The following RAPGEF1 variants were observed in gnomAD, a reference collection of about 807,000 sequenced individuals.
The protein encoded by RAPGEF1 is Rap guanine nucleotide exchange factor 1.
Under a neutral mutation model 143.3 loss-of-function variants are expected in RAPGEF1, and 33 were observed. The ratio of observed to expected loss-of-function variants is 0.23; its 90% CI spans 0.17 to 0.31. RAPGEF1 has a LOEUF of 0.31. RAPGEF1 is among the 10% of genes least tolerant of loss of function. The probability of loss-of-function intolerance (pLI) is 1.00; values close to 1 mark genes in which losing one functional copy is unlikely to be tolerated. For synonymous variants in RAPGEF1, 629 were observed against 676.5 expected, an observed-to-expected ratio of 0.93 and a Z score of 1.09; for missense variants, 1,199 against 1,645.4, an observed-to-expected ratio of 0.73 and a Z score of 4.69.
At chr9:131,602,017 G>T (rs764582522) in intron 15 of RAPGEF1, 44 bp downstream of exon 15, 1 of 1,459,100 alleles carries the variant, frequency 6.9e-7, no homozygotes. Context: ...ATGAGTGGGC[G>T]CACTGCTCTC....
intron 1 of RAPGEF1, among the ~76,000 whole-genome samples, chr9:131,733,131 C>T (rs533453569): frequency 2.0e-4 from 30 of 151,934 alleles, no homozygotes; most frequent in Non-Finnish European, 3.5e-4. Context: ...GGAGGAGCCT[C>T]GGCCACAGCT....
At chr9:131,661,109 T>G (rs1428906059) in intron 1 of RAPGEF1, among the ~76,000 whole-genome samples, 9 of 152,214 alleles carry the variant, frequency 5.9e-5, no homozygotes, top group Admixed American at 5.9e-4. Flanking sequence ...CCACCCACTA[T>G]GGCTGAACAC....
chr9:131,587,439 G>T (rs10901074), intron 22 of RAPGEF1, among the ~76,000 whole-genome samples: 1 of 152,178 alleles, frequency 6.6e-6, no homozygotes, highest in African/African-American at 2.4e-5. Context: ...GCAGTGACCA[G>T]GGCAGGAGGG....
In RAPGEF1 at chr9:131,581,253, G is replaced by C. The variant is rs1329478071; in HGVS notation, c.3513-862C>G. 3.3e-5 allele frequency among the ~76,000 whole-genome samples: 5 copies of C among 152,138 alleles called. No homozygotes were observed. In the East Asian group the frequency reaches 9.6e-4, roughly 29 times the overall value. On this transcript the variant is annotated intron_variant, in intron 25 of 26. Coordinates refer to ENST00000683357, the MANE Select transcript of RAPGEF1 (RefSeq NM_001377935.1). ...TACAAAAAATACAAAAATTAGCTGG[G>C]CATGGTGGCGTGTACCTGTAATCCC...
At position 131,698,801 on chromosome 9, in the gene RAPGEF1, C is replaced by T. The variant is rs142281018; in HGVS notation, c.61+40969G>A. On this transcript the variant is annotated intron_variant, in intron 1 of 26. Transcript: ENST00000683357. ...CTGGAGGCCCAGGGATAAGCCCTCC[C>T]AGCAGCTGATTGTAGACACTTGAGG... Among the ~76,000 whole-genome samples the T allele has an allele frequency of 1.9e-3, 284 of 152,350 alleles. 1 individual carries two copies. Among genetic ancestry groups the T allele is most frequent in the African/African-American group, 6.1e-3 (255 of 41,578 alleles).
chr9:131,727,559 G>A (rs1313483096), intron 1 of RAPGEF1, among the ~76,000 whole-genome samples: 1 of 152,112 alleles, frequency 6.6e-6, no homozygotes, highest in Non-Finnish European at 1.5e-5. Context: ...AGATGCCACA[G>A]GTCCAGGCAT....
intron 12 of RAPGEF1, among the ~76,000 whole-genome samples, chr9:131,615,084 C>T (rs1430767898): frequency 2.0e-5 from 3 of 152,098 alleles, no homozygotes; most frequent in Admixed American, 6.5e-5. Context: ...GGTGTTTTTT[C>T]TTTTTTGAGA....
At chr9:131,644,816 TA>T (rs1969100594) in intron 3 of RAPGEF1, among the ~76,000 whole-genome samples, 2 of 151,976 alleles carry the variant, frequency 1.3e-5, no homozygotes, top group Admixed American at 6.6e-5. Flanking sequence ...AAATAAAGTT[TA>T]AAAAAAGGTG....
intron 1 of RAPGEF1, among the ~76,000 whole-genome samples, chr9:131,724,651 C>T (rs1836521145): frequency 1.3e-5 from 2 of 152,084 alleles, no homozygotes; most frequent in Admixed American, 6.5e-5. Flanking sequence ...TTTCAGCATC[C>T]ACGGCCTGGT....
At chr9:131,643,442 G>C in intron 3 of RAPGEF1, 25 bp from the exon 4 acceptor site, 1 of 1,586,040 alleles carries the variant, frequency 6.3e-7, no homozygotes, top group Non-Finnish European at 8.6e-7. Context: ...TAGGCATAAG[G>C]AGGAGGAGAG....
At position 131,696,410 on chromosome 9, in the gene RAPGEF1, G is replaced by A. The variant is rs181137523; in HGVS notation, c.61+43360C>T. Among the ~76,000 whole-genome samples the A allele has an allele frequency of 9.8e-5, 15 of 152,366 alleles. No individual in the cohort carries two copies. The East Asian group carries it at 2.7e-3, about 27-fold the overall frequency. On this transcript the variant is annotated intron_variant, in intron 1 of 26. Transcript: ENST00000683357. ...GGAAAATAAAGCAGCATATGTGACA[G>A]AGACCACAGGTGGCCTGCAAAGCTT...
intron 1 of RAPGEF1, among the ~76,000 whole-genome samples, chr9:131,714,705 CTTTTTT>C (rs10568442): frequency 2.6e-5 from 3 of 114,696 alleles, no homozygotes; most frequent in African/African-American, 7.7e-5. Context: ...TAGACTCTGC[CTTTTTT>C]TTTTTTTTTT....
At chr9:131,693,812 A>G (rs1298653899) in intron 1 of RAPGEF1, among the ~76,000 whole-genome samples, 2 of 131,622 alleles carry the variant, frequency 1.5e-5, no homozygotes, top group Non-Finnish European at 3.5e-5. Flanking sequence ...TCCCACTGCC[A>G]CCACCCTTAT....
intron 1 of RAPGEF1, among the ~76,000 whole-genome samples, chr9:131,712,656 G>A (rs968822993): frequency 6.6e-6 from 1 of 152,152 alleles, no homozygotes; most frequent in African/African-American, 2.4e-5. Flanking sequence ...GCCCTCTCTC[G>A]TTTCTCAGCT....
At chr9:131,639,944 C>T (rs992743235) in intron 4 of RAPGEF1, among the ~76,000 whole-genome samples, 3 of 152,158 alleles carry the variant, frequency 2.0e-5, no homozygotes, top group Admixed American at 1.3e-4. Flanking sequence ...TTTAGCCAGG[C>T]GTTCCACTCT....
intron 1 of RAPGEF1, among the ~76,000 whole-genome samples, chr9:131,730,497 C>T (rs1230672080): frequency 6.6e-6 from 1 of 151,580 alleles, no homozygotes; most frequent in Admixed American, 6.6e-5. Context: ...GCCAAAGAGA[C>T]CAGCCTGGTC....
rs1309016780 is a variant in RAPGEF1 at position 131,670,106 on chromosome 9, G to A, written c.62-19157C>T. Among the ~76,000 whole-genome samples, 6 of 152,286 alleles carry A rather than the reference G, an allele frequency of 3.9e-5. No homozygotes were observed. In the East Asian group the frequency reaches 5.8e-4, roughly 15 times the overall value. On this transcript the variant is annotated intron_variant, in intron 1 of 26. Transcript: ENST00000683357. ...TGCCACAGACAGGGAGAGTGAGGCC[G>A]AGGAGTAAGTGACAGACCCTGGATT...
At chr9:131,733,308 C>T (rs1442048335) in intron 1 of RAPGEF1, among the ~76,000 whole-genome samples, 1 of 143,460 alleles carries the variant, frequency 7.0e-6, no homozygotes, top group African/African-American at 2.6e-5. Flanking sequence ...TGTAACAAAC[C>T]TGAACGTTCA....
chr9:131,714,169 A>G (rs1835698607), intron 1 of RAPGEF1, among the ~76,000 whole-genome samples: 1 of 151,864 alleles, frequency 6.6e-6, no homozygotes, highest in African/African-American at 2.4e-5. Flanking sequence ...GAGGAATGAT[A>G]TTTTGATTGT....
Sources: gnomAD v4.1 joint callset for allele counts (sites outside exome capture counted in the v4.1 genomes callset) on GRCh38, gnomAD v4.1.1 for gene constraint, MANE v1.5 for transcripts, NCBI Gene and HGNC (gene_info 2026-07-23, HGNC 2026-07-21) for gene names.